USP14: variants seen among roughly 807,000 people sequenced by gnomAD.
USP14 encodes ubiquitin carboxyl-terminal hydrolase 14.
A neutral mutation model predicts 76.5 loss-of-function variants in USP14; 38 were observed. The observed-to-expected ratio is 0.50, with a 90% CI of 0.38 to 0.65. The LOEUF (loss-of-function observed/expected upper bound fraction) is 0.65, where lower values mean the gene tolerates loss of function less well. Among genes scored for constraint, USP14 ranks in the 30% least tolerant of loss-of-function variants. The pLI is 0.00. For missense variants in USP14, 467 were observed against 586.5 expected (o/e 0.80, Z 2.10); for synonymous variants, 192 against 191.7 (o/e 1.00, Z -0.01).
intron 3 of USP14, among the ~76,000 whole-genome samples, chr18:173,263 A>T (rs182376790): frequency 6.6e-6 from 1 of 151,550 alleles, no homozygotes; most frequent in Non-Finnish European, 1.5e-5. Flanking sequence ...GCCTGCCACC[A>T]CACCCGGCTA....
chr18:182,658 A>G (rs972269185), intron 5 of USP14, among the ~76,000 whole-genome samples: 16 of 152,200 alleles, frequency 1.1e-4, no homozygotes, highest in South Asian at 2.1e-4. Flanking sequence ...GTAGGCTGCT[A>G]TGAGAACATC....
At chr18:166,656 T>C in intron 2 of USP14, 131 bp from the exon 3 acceptor site, 1 of 1,170,676 alleles carries the variant, frequency 8.5e-7, no homozygotes, top group Non-Finnish European at 1.2e-6. Context: ...TTAATTGCCA[T>C]AATTTTAAAT....
chr18:196,731 T>C lies in USP14; in HGVS notation c.558T>C (p.Phe186=). ...LQFLHMAFPQ[F]AEKGEQGQYL... ...TTTTGCACATGGCTTTCCCACAGTT[T>C]GCCGAGAAAGGTGAACAAGGACAGT... is the stretch of plus-strand genomic sequence containing the variant. The change falls in exon 7 of 16, where the codon TTT becomes TTC. Residue 186 remains phenylalanine, a synonymous_variant. Transcript: ENST00000261601. 1.2e-6 allele frequency: 2 copies of C among 1,614,114 alleles called. No homozygotes were observed. The highest frequency in any genetic ancestry group is 1.7e-6 in the Non-Finnish European group (2 of 1,180,004).
chr18:168,358 T>G (rs1909338941), intron 3 of USP14, among the ~76,000 whole-genome samples: 1 of 152,204 alleles, frequency 6.6e-6, no homozygotes, highest in African/African-American at 2.4e-5. Flanking sequence ...CTGCAAATAA[T>G]GACAATTTTA....
Position 213,859 on chromosome 18 carries a change from A to AAAGTC in USP14, c.*2576_*2580dup, listed in dbSNP as rs1910750883. 3 of 152,224 alleles carry AAAGTC rather than the reference A, an allele frequency of 2.0e-5. No homozygotes were observed. The highest frequency in any genetic ancestry group is 2.9e-5 in the Non-Finnish European group (2 of 68,044). 9.4% of individuals were successfully genotyped at this position (152,224 alleles called of 1,614,324 possible). A position where few individuals can be genotyped will look rare whatever the true frequency, so the allele number is the denominator to read the frequency against. On this transcript the variant is annotated 3_prime_UTR_variant, in exon 16 of 16. Coordinates refer to ENST00000261601, the MANE Select transcript of USP14 (RefSeq NM_005151.4). ...GTCACAAGAATCCCTGAAGTGATTA[A>AAAGTC]AAGTCTTGAGAGGTCAGGCAATTTT...
intron 1 of USP14, among the ~76,000 whole-genome samples, chr18:161,642 A>C (rs1027862287): frequency 5.9e-5 from 9 of 152,172 alleles, no homozygotes; most frequent in African/African-American, 2.2e-4. Context: ...TCATTAAATG[A>C]ATACTCAACA....
intron 2 of USP14, among the ~76,000 whole-genome samples, chr18:165,661 TAGTA>T (rs1177759253): frequency 6.6e-6 from 1 of 152,180 alleles, no homozygotes; most frequent in Non-Finnish European, 1.5e-5. Context: ...TTAAGTAACA[TAGTA>T]AGGCACCAAA....
chr18:204,904 CTT>C (rs775473299), intron 13 of USP14, among the ~76,000 whole-genome samples: 32 of 144,048 alleles, frequency 2.2e-4, no homozygotes, highest in Non-Finnish European at 2.3e-4. Flanking sequence ...TTTTATTTTC[CTT>C]TTTTTTTTTT....
At chr18:204,763 C>T (rs1910482294) in intron 13 of USP14, 71 bp downstream of exon 13, 2 of 1,536,552 alleles carry the variant, frequency 1.3e-6, no homozygotes, top group Admixed American at 2.2e-5. Context: ...ATTACTCTGT[C>T]TTTTTTTTCC....
intron 13 of USP14, among the ~76,000 whole-genome samples, chr18:206,888 C>T (rs1430173075): frequency 6.6e-6 from 1 of 152,072 alleles, no homozygotes; most frequent in Non-Finnish European, 1.5e-5. Flanking sequence ...GCAACATTGC[C>T]CAGTCCATGC....
rs1224826121 is a variant in USP14, at chr18:166,489, T to G, written c.163-298T>G. ...CTGGAATTACAGGTGTGCACCACCA[T>G]GCTCAGCTACTTTTTGTATTTTTAG... On this transcript the variant is annotated intron_variant, in intron 2 of 15. Transcript: ENST00000261601. Among the ~76,000 whole-genome samples the G allele has an allele frequency of 2.0e-5, 3 of 152,122 alleles. No individual in the cohort carries two copies. In the South Asian group the frequency reaches 6.2e-4, roughly 32 times the overall value.
At chr18:198,987 T>C (rs1910315882) in intron 9 of USP14, among the ~76,000 whole-genome samples, 1 of 152,212 alleles carries the variant, frequency 6.6e-6, no homozygotes, top group Admixed American at 6.5e-5. Context: ...AGTTTATCTT[T>C]TAATACACAT....
chr18:203,973 T>A (rs1430489947), intron 12 of USP14, among the ~76,000 whole-genome samples: 1 of 152,170 alleles, frequency 6.6e-6, no homozygotes, highest in East Asian at 1.9e-4. Context: ...ACTGTTTTTG[T>A]TGAGTTGTAG....
At chr18:192,768 T>A (rs1567832898) in intron 5 of USP14, 74 bp from the exon 6 acceptor site, 1 of 1,465,540 alleles carries the variant, frequency 6.8e-7, no homozygotes, top group Non-Finnish European at 9.5e-7. Flanking sequence ...AGAACTCCTT[T>A]TAACTGGTTT....
chr18:163,586 G>T, intron 2 of USP14, 133 bp downstream of exon 2: 1 of 1,011,578 alleles, frequency 9.9e-7, no homozygotes, highest in Non-Finnish European at 1.4e-6. Flanking sequence ...GTCAGCTATG[G>T]TGTTAAAACT....
In USP14 at chr18:197,729, C is replaced by T. The variant is rs74816514; in HGVS notation, c.675+33C>T. ...AAATATATTTGTGATTATAGACTTT[C>T]GTTATACCTTGATTTTTTTTTTTAT... On this transcript the variant is annotated intron_variant, in intron 8 of 15. Coordinates refer to ENST00000261601, the MANE Select transcript of USP14 (RefSeq NM_005151.4). The T allele has an allele frequency of 1.1e-4, 160 of 1,522,394 alleles. No homozygotes were observed. The African/African-American group carries it at 1.7e-3, about 16-fold the overall frequency. The allele number at this position is 1,522,394 out of a possible 1,614,324, so 94.3% of individuals were successfully genotyped here.
Position 166,770 on chromosome 18 carries a change from G to T in USP14, c.163-17G>T, listed in dbSNP as rs201406393. On this transcript the variant is annotated splice_polypyrimidine_tract_variant and intron_variant, in intron 2 of 15. Transcript: ENST00000261601. The stretch of plus-strand genomic sequence containing the variant: ...GTACAGTGGTGGTTAAATGTCTTTT[G>T]TTTGTCTTTGAAACAGGATGATGAT... The T allele has an allele frequency of 1.2e-6, 2 of 1,610,386 alleles. No individual in the cohort carries two copies. Among genetic ancestry groups the T allele is most frequent in the Non-Finnish European group, 1.7e-6 (2 of 1,177,402 alleles).
chr18:200,653 C>A lies in USP14; in HGVS notation c.876+1337C>A, dbSNP rs552351598. On this transcript the variant is annotated intron_variant, in intron 10 of 15. Transcript: ENST00000261601. ...ACATACGGTTTTGCTTGCTGACTTA[C>A]TAATTTGGTGTGCTTTGGGGATATG... Among the ~76,000 whole-genome samples, 39 of 152,298 alleles carry A rather than the reference C, an allele frequency of 2.6e-4. 1 individual carries two copies. In the South Asian group the frequency reaches 7.5e-3, roughly 29 times the overall value.
chr18:167,273 TC>T (rs1355728575), intron 3 of USP14, among the ~76,000 whole-genome samples: 1 of 152,116 alleles, frequency 6.6e-6, no homozygotes, highest in Non-Finnish European at 1.5e-5. Context: ...AGAGCGAGAC[TC>T]CGTCTCCAAA....
Sources: gnomAD v4.1 joint callset for allele counts (sites outside exome capture counted in the v4.1 genomes callset) on GRCh38, gnomAD v4.1.1 for gene constraint, MANE v1.5 for transcripts, NCBI Gene and HGNC (gene_info 2026-07-23, HGNC 2026-07-21) for gene names.